ARHGAP10: variants seen among roughly 807,000 people sequenced by gnomAD.
ARHGAP10 encodes the protein Rho GTPase activating protein 10, also known as rho GTPase-activating protein 10.
ARHGAP10 carries 87 observed loss-of-function variants against 108.6 expected under a neutral mutation model. The ratio of observed to expected loss-of-function variants is 0.80; its 90% CI spans 0.67 to 0.96. ARHGAP10 has a LOEUF of 0.96. Among genes scored for constraint, ARHGAP10 ranks in the 40% least tolerant of loss-of-function variants. ARHGAP10 has a pLI of 0.00. For missense variants in ARHGAP10, 939 were observed against 954.5 expected (o/e 0.98, Z 0.21); for synonymous variants, 347 against 341.1 (o/e 1.02, Z -0.19).
intron 9 of ARHGAP10, among the ~76,000 whole-genome samples, chr4:147,881,231 C>T (rs1735314688): frequency 6.6e-6 from 1 of 151,746 alleles, no homozygotes; most frequent in South Asian, 2.1e-4. Context: ...TGAGATTGCA[C>T]CACTGCACTC....
chr4:147,952,356 T>C (rs534008004), intron 15 of ARHGAP10, among the ~76,000 whole-genome samples: 54 of 152,204 alleles, frequency 3.5e-4, no homozygotes, highest in Non-Finnish European at 6.6e-4. Context: ...AGTTGATGTA[T>C]TTCTTTACAT....
intron 21 of ARHGAP10, among the ~76,000 whole-genome samples, chr4:148,063,804 A>G (rs948362927): frequency 1.3e-5 from 2 of 152,090 alleles, no homozygotes; most frequent in African/African-American, 4.8e-5. Flanking sequence ...ATTTGATTAG[A>G]CTGGCTAAAA....
intron 18 of ARHGAP10, among the ~76,000 whole-genome samples, chr4:147,982,365 CTTTTTT>C (rs70958599): frequency 8.0e-6 from 1 of 124,626 alleles, no homozygotes; most frequent in African/African-American, 2.9e-5. Context: ...TTCTTTCTTT[CTTTTTT>C]TTTTTTTTTT....
intron 1 of ARHGAP10, among the ~76,000 whole-genome samples, chr4:147,750,632 C>G (rs1409681344): frequency 6.7e-6 from 1 of 150,116 alleles, no homozygotes; most frequent in Non-Finnish European, 1.5e-5. Context: ...GTTGTAATCT[C>G]ACTCTGTAAC....
Position 148,001,851 on chromosome 4 carries a change from A to G in ARHGAP10, c.1717-21412A>G, listed in dbSNP as rs530200410. On this transcript the variant is annotated intron_variant, in intron 18 of 22. Coordinates refer to ENST00000336498, the MANE Select transcript of ARHGAP10 (RefSeq NM_024605.4). ...GGTTTTCTAAATATGCAGTCATGTCATCTGCAAACAGGGACAATTTGACTT... is the reference window on the plus strand; with the variant it reads ...GGTTTTCTAAATATGCAGTCATGTCGTCTGCAAACAGGGACAATTTGACTT... Among the ~76,000 whole-genome samples the G allele has an allele frequency of 7.2e-5, 11 of 152,298 alleles. 1 individual carries two copies. In the South Asian group the frequency reaches 2.3e-3, roughly 32 times the overall value.
At chr4:148,026,512 G>C (rs953308753) in intron 19 of ARHGAP10, among the ~76,000 whole-genome samples, 1 of 152,122 alleles carries the variant, frequency 6.6e-6, no homozygotes, top group African/African-American at 2.4e-5. Context: ...TAGCCATACT[G>C]TGTATGCTCA....
At chr4:148,059,315 T>G (rs1729498954) in intron 20 of ARHGAP10, among the ~76,000 whole-genome samples, 1 of 152,188 alleles carries the variant, frequency 6.6e-6, no homozygotes, top group Admixed American at 6.5e-5. Context: ...TTTCGCAAAC[T>G]GCAACTTGGC....
chr4:147,849,692 C>T (rs1425116302), intron 4 of ARHGAP10, among the ~76,000 whole-genome samples: 2 of 152,196 alleles, frequency 1.3e-5, no homozygotes, highest in Non-Finnish European at 1.5e-5. Context: ...TTTCCAGAAG[C>T]CCAGTTCCAT....
chr4:147,831,805 T>A (rs1472892075), intron 3 of ARHGAP10, among the ~76,000 whole-genome samples: 2 of 152,160 alleles, frequency 1.3e-5, no homozygotes, highest in African/African-American at 4.8e-5. Flanking sequence ...GAGATCACAG[T>A]CAGGAATAAC....
At chr4:148,015,181 G>A (rs1741301519) in intron 18 of ARHGAP10, among the ~76,000 whole-genome samples, 1 of 152,114 alleles carries the variant, frequency 6.6e-6, no homozygotes, top group African/African-American at 2.4e-5. Flanking sequence ...CGTCTGTAAT[G>A]CATAGGAAAT....
rs145256834 is a variant in ARHGAP10, at chr4:147,952,191, C to T, written c.1392-3125C>T. 3.5e-3 allele frequency among the ~76,000 whole-genome samples: 530 copies of T among 152,250 alleles called. 2 individuals carry two copies. Among genetic ancestry groups the T allele is most frequent in the African/African-American group, 0.012 (506 of 41,546 alleles). On this transcript the variant is annotated intron_variant, in intron 15 of 22. Coordinates refer to ENST00000336498, the MANE Select transcript of ARHGAP10 (RefSeq NM_024605.4). Reference sequence around the variant, plus strand: ...GGATATTTAACTTGCTTGTAACTTTCGGCTGTTGCACATAAAGCTGCTAAA... The same window carrying T: ...GGATATTTAACTTGCTTGTAACTTTTGGCTGTTGCACATAAAGCTGCTAAA...
chr4:147,934,331 CA>C (rs1737838437), intron 13 of ARHGAP10, among the ~76,000 whole-genome samples: 1 of 152,206 alleles, frequency 6.6e-6, no homozygotes. Flanking sequence ...GTGACCCTCC[CA>C]GGTCTTGGGC....
intron 10 of ARHGAP10, among the ~76,000 whole-genome samples, chr4:147,898,743 C>T (rs544160217): frequency 6.6e-6 from 1 of 152,080 alleles, no homozygotes; most frequent in Non-Finnish European, 1.5e-5. Flanking sequence ...AAGTTTCAAA[C>T]CTTCCCACAT....
At chr4:147,901,681 C>T (rs1429373623) in intron 10 of ARHGAP10, among the ~76,000 whole-genome samples, 3 of 152,162 alleles carry the variant, frequency 2.0e-5, no homozygotes, top group Non-Finnish European at 2.9e-5. Context: ...TAATCTGAAG[C>T]CTGATAATTG....
At chr4:147,945,426 T>G (rs1578719214) in intron 14 of ARHGAP10, among the ~76,000 whole-genome samples, 1 of 152,276 alleles carries the variant, frequency 6.6e-6, no homozygotes, top group East Asian at 1.9e-4. Flanking sequence ...AAACACATAA[T>G]TACACGCTAT....
At chr4:148,047,634 C>T (rs932980587) in intron 20 of ARHGAP10, among the ~76,000 whole-genome samples, 2 of 152,128 alleles carry the variant, frequency 1.3e-5, no homozygotes, top group African/African-American at 4.8e-5. Context: ...CCTGTGAGGG[C>T]TTGTCTGGCT....
chr4:147,925,885 G>A (rs900382113), intron 13 of ARHGAP10, among the ~76,000 whole-genome samples: 1 of 152,202 alleles, frequency 6.6e-6, no homozygotes, highest in African/African-American at 2.4e-5. Context: ...GATACAGTTG[G>A]TTGTGTTATA....
intron 1 of ARHGAP10, among the ~76,000 whole-genome samples, chr4:147,734,951 A>G (rs1728360213): frequency 6.6e-6 from 1 of 152,158 alleles, no homozygotes. Context: ...AGAAGTGTGT[A>G]TTTAAGTGAT....
intron 13 of ARHGAP10, among the ~76,000 whole-genome samples, chr4:147,922,460 C>A (rs200833731): frequency 6.6e-6 from 1 of 151,290 alleles, no homozygotes; most frequent in South Asian, 2.1e-4. Context: ...GAGGCCGAGG[C>A]GGGCGGATCA....
Sources: gnomAD v4.1 joint callset for allele counts (sites outside exome capture counted in the v4.1 genomes callset) on GRCh38, gnomAD v4.1.1 for gene constraint, MANE v1.5 for transcripts, NCBI Gene and HGNC (gene_info 2026-07-23, HGNC 2026-07-21) for gene names.